The following ETV6 variants were observed in gnomAD, a reference collection of about 807,000 sequenced individuals.
The protein encoded by ETV6 is ETS variant transcription factor 6, also known as transcription factor ETV6.
ETV6 carries 16 observed loss-of-function variants against 51.1 expected under a neutral mutation model. The observed-to-expected ratio is 0.31, with a 90% CI of 0.21 to 0.48. The LOEUF is 0.48. Among genes scored for constraint, ETV6 ranks in the 20% least tolerant of loss-of-function variants. The pLI is 0.99. For synonymous variants in ETV6, 240 were observed against 224.1 expected, an observed-to-expected ratio of 1.07 and a Z score of -0.64; for missense variants, 458 against 594.8, an observed-to-expected ratio of 0.77 and a Z score of 2.39.
intron 1 of ETV6, among the ~76,000 whole-genome samples, chr12:11,680,566 A>AAATCTTTC (rs1864505748): frequency 6.6e-6 from 1 of 152,236 alleles, no homozygotes; most frequent in African/African-American, 2.4e-5. Context: ...ACAGCCAAGG[A>AAATCTTTC]TTAACTCTCT....
At chr12:11,781,140 A>T (rs1292385250) in intron 2 of ETV6, among the ~76,000 whole-genome samples, 1 of 152,224 alleles carries the variant, frequency 6.6e-6, no homozygotes, top group Middle Eastern at 3.2e-3. Flanking sequence ...TCCAACTCTT[A>T]GGAAGTGTTT....
At chr12:11,704,953 A>G (rs1400041310) in intron 1 of ETV6, among the ~76,000 whole-genome samples, 1 of 152,238 alleles carries the variant, frequency 6.6e-6, no homozygotes, top group Non-Finnish European at 1.5e-5. Context: ...AGAAAGAAAC[A>G]TATTGTATGA....
chr12:11,820,140 G>A (rs1177264560), intron 2 of ETV6, among the ~76,000 whole-genome samples: 1 of 152,148 alleles, frequency 6.6e-6, no homozygotes, highest in African/African-American at 2.4e-5. Flanking sequence ...GGAGGAAATC[G>A]AGGCACAGAA....
At chr12:11,766,658 G>T (rs1404833045) in intron 2 of ETV6, among the ~76,000 whole-genome samples, 3 of 152,142 alleles carry the variant, frequency 2.0e-5, no homozygotes, top group Non-Finnish European at 4.4e-5. Flanking sequence ...CCTGCGTGGA[G>T]GCCTTATAGG....
intron 1 of ETV6, among the ~76,000 whole-genome samples, chr12:11,680,104 T>C (rs144911595): frequency 6.8e-4 from 104 of 152,314 alleles, no homozygotes; most frequent in African/African-American, 2.4e-3. Context: ...CTCCGAATAC[T>C]GAAAGGATGC....
chr12:11,698,226 G>A lies in ETV6; in HGVS notation c.33+48066G>A, dbSNP rs1190691218. 3.3e-5 allele frequency among the ~76,000 whole-genome samples: 5 copies of A among 152,272 alleles called. 1 individual carries two copies. The highest frequency in any genetic ancestry group is 3.4e-3 in the Middle Eastern group (1 of 294). ...GAAATACGTGTGTATTTTGTACCAT[G>A]TGGGTCTGCTTGCATTCCTAACATC... On this transcript the variant is annotated intron_variant, in intron 1 of 7. Transcript: ENST00000396373.
At chr12:11,821,217 T>C (rs924846778) in intron 2 of ETV6, among the ~76,000 whole-genome samples, 1 of 150,882 alleles carries the variant, frequency 6.6e-6, no homozygotes, top group Non-Finnish European at 1.5e-5. Context: ...AAAAAAAAAA[T>C]TAGCTGGGTG....
chr12:11,890,863 A>C lies in ETV6; in HGVS notation c.1254-78A>C, dbSNP rs971623012. 12 of 1,069,968 alleles carry C rather than the reference A, an allele frequency of 1.1e-5. No homozygotes were observed. The African/African-American group carries it at 1.7e-4, about 15-fold the overall frequency. 66.3% of individuals were successfully genotyped at this position (1,069,968 alleles called of 1,614,324 possible). A position where few individuals can be genotyped will look rare whatever the true frequency, so the allele number is the denominator to read the frequency against. ...GTATAAGATGATGGAGTCTTTCTTT[A>C]TATACAGGCTAGAGTTCAGAGTGAA... On this transcript the variant is annotated intron_variant, in intron 7 of 7. Coordinates refer to ENST00000396373, the MANE Select transcript of ETV6 (RefSeq NM_001987.5).
intron 3 of ETV6, among the ~76,000 whole-genome samples, chr12:11,844,925 G>A (rs1282161122): frequency 6.6e-6 from 1 of 152,026 alleles, no homozygotes; most frequent in African/African-American, 2.4e-5. Flanking sequence ...TCCGCCTCCA[G>A]GGTTCAAGCA....
intron 1 of ETV6, among the ~76,000 whole-genome samples, chr12:11,728,885 C>T (rs1339200474): frequency 6.6e-6 from 1 of 152,212 alleles, no homozygotes; most frequent in African/African-American, 2.4e-5. Context: ...TATCTGACTT[C>T]AAGTCTTTAG....
At chr12:11,790,942 A>G (rs1281794578) in intron 2 of ETV6, among the ~76,000 whole-genome samples, 3 of 152,034 alleles carry the variant, frequency 2.0e-5, no homozygotes, top group Non-Finnish European at 4.4e-5. Context: ...TGGCCTCCCA[A>G]AGTGCTGGGA....
intron 1 of ETV6, among the ~76,000 whole-genome samples, chr12:11,672,856 A>G (rs1259337072): frequency 6.6e-6 from 1 of 152,206 alleles, no homozygotes; most frequent in African/African-American, 2.4e-5. Flanking sequence ...GGCGGTGAAC[A>G]GGGTTGATCA....
chr12:11,813,930 G>C (rs1158559070), intron 2 of ETV6, among the ~76,000 whole-genome samples: 1 of 152,166 alleles, frequency 6.6e-6, no homozygotes, highest in African/African-American at 2.4e-5. Context: ...TTTTTCCAGG[G>C]AGTATCAAGC....
At chr12:11,670,650 C>T (rs1864295742) in intron 1 of ETV6, among the ~76,000 whole-genome samples, 1 of 152,200 alleles carries the variant, frequency 6.6e-6, no homozygotes, top group African/African-American at 2.4e-5. Context: ...CAGAGAAGCT[C>T]ACACTCTTCT....
chr12:11,712,583 G>T lies in ETV6; in HGVS notation c.34-39867G>T, dbSNP rs543616642. Among the ~76,000 whole-genome samples, 3 of 152,348 alleles carry T rather than the reference G, an allele frequency of 2.0e-5. No individual in the cohort carries two copies. In the East Asian group the frequency reaches 5.8e-4, roughly 29 times the overall value. On this transcript the variant is annotated intron_variant, in intron 1 of 7. Transcript: ENST00000396373. The stretch of plus-strand genomic sequence containing the variant: ...ATAGATAGATAGGTGTGTATGTAGG[G>T]ATGGCAGGCTGGAGACCCTGGGAAG...
At chr12:11,804,207 A>G (rs1319330605) in intron 2 of ETV6, among the ~76,000 whole-genome samples, 2 of 152,178 alleles carry the variant, frequency 1.3e-5, no homozygotes, top group Admixed American at 1.3e-4. Flanking sequence ...AATAGGGGAG[A>G]TAAGTGTCTA....
At chr12:11,848,711 T>C (rs1946503301) in intron 3 of ETV6, among the ~76,000 whole-genome samples, 2 of 152,216 alleles carry the variant, frequency 1.3e-5, no homozygotes, top group African/African-American at 4.8e-5. Context: ...TCTAGAACTC[T>C]TCCCAGGGAC....
rs561504521 is a variant in ETV6, at chr12:11,893,063, G to C, written c.*2017G>C. 9 of 232,784 alleles carry C rather than the reference G, an allele frequency of 3.9e-5. No homozygotes were observed. In the South Asian group the frequency reaches 9.0e-4, roughly 23 times the overall value. The allele number at this position is 232,784 out of a possible 1,614,324, so 14.4% of individuals were successfully genotyped here. A position where few individuals can be genotyped will look rare whatever the true frequency, so the allele number is the denominator to read the frequency against. On this transcript the variant is annotated 3_prime_UTR_variant, in exon 8 of 8. Transcript: ENST00000396373. ...TCTCAGTCTGCTTGAATGGTGATGA[G>C]ATTCTGCTGGATCTCAGCACGCTGC... is the stretch of plus-strand genomic sequence containing the variant.
intron 1 of ETV6, among the ~76,000 whole-genome samples, chr12:11,658,924 C>T (rs1864049614): frequency 6.6e-6 from 1 of 152,188 alleles, no homozygotes; most frequent in Non-Finnish European, 1.5e-5. Context: ...ACTCAGCGCT[C>T]AAGTATTTGA....
Sources: gnomAD v4.1 joint callset for allele counts (sites outside exome capture counted in the v4.1 genomes callset) on GRCh38, gnomAD v4.1.1 for gene constraint, MANE v1.5 for transcripts, NCBI Gene and HGNC (gene_info 2026-07-23, HGNC 2026-07-21) for gene names.